WDPCP: variants seen among roughly 807,000 people sequenced by gnomAD.
The protein encoded by WDPCP is WD repeat containing planar cell polarity effector, also known as WD repeat-containing and planar cell polarity effector protein fritz homolog.
Under a neutral mutation model 93.1 loss-of-function variants are expected in WDPCP, and 71 were observed. The ratio of observed to expected loss-of-function variants is 0.76; its 90% CI spans 0.63 to 0.93. The LOEUF is 0.93. Ranked by LOEUF, WDPCP falls within the 40% of genes least tolerant of loss-of-function variation. The pLI, the probability that WDPCP is intolerant of heterozygous loss-of-function variation, is 0.00. For missense variants in WDPCP, 844 were observed against 887.4 expected, an observed-to-expected ratio of 0.95 and a Z score of 0.62; for synonymous variants, 315 against 315.0, an observed-to-expected ratio of 1.00 and a Z score of 0.00.
At chr2:63,735,250 C>T (rs1366653869) in intron 2 of WDPCP, among the ~76,000 whole-genome samples, 1 of 151,934 alleles carries the variant, frequency 6.6e-6, no homozygotes, top group East Asian at 1.9e-4. Context: ...ATTATAGGTC[C>T]CTTGCAGTTA....
chr2:63,235,258 C>T (rs1679286019), intron 14 of WDPCP, among the ~76,000 whole-genome samples: 1 of 152,074 alleles, frequency 6.6e-6, no homozygotes, highest in South Asian at 2.1e-4. Context: ...AACAGATAAA[C>T]TCCTGGAAAC....
chr2:63,367,579 GA>G (rs1691015982), intron 12 of WDPCP, among the ~76,000 whole-genome samples: 1 of 152,106 alleles, frequency 6.6e-6, no homozygotes, highest in Non-Finnish European at 1.5e-5. Flanking sequence ...TATATAGCAG[GA>G]TAGTTGAATA....
chr2:63,790,323 A>C (rs1314411149), intron 2 of WDPCP, among the ~76,000 whole-genome samples: 1 of 152,230 alleles, frequency 6.6e-6, no homozygotes, highest in Non-Finnish European at 1.5e-5. Flanking sequence ...TGATACTCAG[A>C]GTGGGGTGCC....
chr2:63,213,326 A>G (rs911625077), intron 14 of WDPCP, among the ~76,000 whole-genome samples: 1 of 152,190 alleles, frequency 6.6e-6, no homozygotes. Context: ...AACTCACTCA[A>G]AACCGCTCAA....
At chr2:63,808,921 C>A (rs543509482) in intron 2 of WDPCP, among the ~76,000 whole-genome samples, 1 of 151,850 alleles carries the variant, frequency 6.6e-6, no homozygotes, top group Non-Finnish European at 1.5e-5. Context: ...GGCCGCCATC[C>A]CATCTAGGAA....
chr2:63,722,680 C>G, intron 2 of WDPCP, among the ~76,000 whole-genome samples: 1 of 145,938 alleles, frequency 6.9e-6, no homozygotes, highest in Admixed American at 6.7e-5. Flanking sequence ...GCCCCCCGCC[C>G]GGCCAGCCGC....
At position 63,268,948 on chromosome 2, in the gene WDPCP, T is replaced by C. The variant is rs970805995; in HGVS notation, c.1813-9539A>G. On this transcript the variant is annotated intron_variant, in intron 13 of 17. Coordinates refer to ENST00000272321, the MANE Select transcript of WDPCP (RefSeq NM_015910.7). ...CATTGTACCCCATAAACACACACAA[T>C]TGTTATCTGTCAATTAAAAATATAA... Among the ~76,000 whole-genome samples the C allele has an allele frequency of 7.2e-5, 11 of 152,116 alleles. No individual in the cohort carries two copies. The South Asian group carries it at 1.5e-3, about 20-fold the overall frequency.
At chr2:63,404,752 A>C in intron 9 of WDPCP, 95 bp from the exon 10 acceptor site, 2 of 1,485,312 alleles carry the variant, frequency 1.3e-6, no homozygotes, top group Non-Finnish European at 1.9e-6. Flanking sequence ...CCTATTAAAG[A>C]AAATCAATTA....
chr2:63,685,143 C>T (rs909116652), intron 2 of WDPCP, among the ~76,000 whole-genome samples: 4 of 151,882 alleles, frequency 2.6e-5, no homozygotes, highest in Non-Finnish European at 5.9e-5. Flanking sequence ...ATGAACATAA[C>T]AATACAAATA....
At chr2:63,246,707 G>A (rs1447095541) in intron 14 of WDPCP, among the ~76,000 whole-genome samples, 1 of 152,160 alleles carries the variant, frequency 6.6e-6, no homozygotes, top group Admixed American at 6.6e-5. Flanking sequence ...GATAAACAAG[G>A]TGGTGACTTT....
At chr2:63,527,769 G>A (rs1364939385) in intron 1 of WDPCP, among the ~76,000 whole-genome samples, 4 of 151,986 alleles carry the variant, frequency 2.6e-5, no homozygotes, top group Non-Finnish European at 5.9e-5. Context: ...GGTATTTCTA[G>A]TTCTAGATCC....
At chr2:63,156,428 A>C (rs1326635841) in intron 15 of WDPCP, among the ~76,000 whole-genome samples, 1 of 152,190 alleles carries the variant, frequency 6.6e-6, no homozygotes, top group African/African-American at 2.4e-5. Context: ...TCAATTGTAC[A>C]TTACTAGTAT....
At chr2:63,820,436 G>A (rs1671000301) in intron 1 of WDPCP, among the ~76,000 whole-genome samples, 1 of 152,150 alleles carries the variant, frequency 6.6e-6, no homozygotes, top group Non-Finnish European at 1.5e-5. Context: ...TAACTAGCTA[G>A]AGGATAACAC....
rs186071341 is a variant in WDPCP, at chr2:63,640,682, T to C, written n.488+9977A>G. 2.0e-3 allele frequency among the ~76,000 whole-genome samples: 297 copies of C among 152,304 alleles called. 3 individuals are homozygous for C. Among genetic ancestry groups the C allele is most frequent in the African/African-American group, 6.6e-3 (273 of 41,566 alleles). ...AGAAATAAAATATTTTGTTTGTATTTTTGTGGGTACATAGTAAGTGTATAT... is the reference window on the plus strand; with the variant it reads ...AGAAATAAAATATTTTGTTTGTATTCTTGTGGGTACATAGTAAGTGTATAT... On this transcript the variant is annotated intron_variant and non_coding_transcript_variant, in intron 3 of 4. Coordinates refer to the WDPCP transcript ENST00000467687.
At chr2:63,798,777 G>A (rs1049993292) in intron 2 of WDPCP, among the ~76,000 whole-genome samples, 18 of 152,040 alleles carry the variant, frequency 1.2e-4, no homozygotes, top group Middle Eastern at 3.2e-3. Context: ...AAAAGACAGA[G>A]AGTGGCTGAA....
chr2:63,792,889 G>GAAT (rs1670564226), intron 2 of WDPCP, among the ~76,000 whole-genome samples: 1 of 151,466 alleles, frequency 6.6e-6, no homozygotes, highest in Admixed American at 6.6e-5. Flanking sequence ...AAGGCCTCAT[G>GAAT]AATAACATCA....
intron 13 of WDPCP, among the ~76,000 whole-genome samples, chr2:63,274,067 T>A (rs900352073): frequency 2.0e-5 from 3 of 152,106 alleles, no homozygotes; most frequent in Admixed American, 6.6e-5. Context: ...CGTCAGCACG[T>A]GGAATATTCT....
chr2:63,172,786 A>G (rs1390263027), intron 15 of WDPCP, among the ~76,000 whole-genome samples: 2 of 152,208 alleles, frequency 1.3e-5, no homozygotes, highest in Non-Finnish European at 1.5e-5. Context: ...CATGGACTAC[A>G]GGGAAGACGC....
At chr2:63,268,237 T>C (rs114306215) in intron 13 of WDPCP, among the ~76,000 whole-genome samples, 2,116 of 152,272 alleles carry the variant, frequency 0.014, 53 homozygotes, top group African/African-American at 0.049. Context: ...AGAAAGATAC[T>C]GTATGATCTC....
Sources: gnomAD v4.1 joint callset for allele counts (sites outside exome capture counted in the v4.1 genomes callset) on GRCh38, gnomAD v4.1.1 for gene constraint, MANE v1.5 for transcripts, NCBI Gene and HGNC (gene_info 2026-07-23, HGNC 2026-07-21) for gene names.